BICD2: variants seen among roughly 807,000 people sequenced by gnomAD.
The protein encoded by BICD2 is BICD cargo adaptor 2.
A neutral mutation model predicts 72.9 loss-of-function variants in BICD2; 25 were observed. That is an observed-to-expected ratio of 0.34 (90% CI 0.25 to 0.48). The LOEUF (loss-of-function observed/expected upper bound fraction) is 0.48, where lower values mean the gene tolerates loss of function less well. Ranked by LOEUF, BICD2 falls within the 20% of genes least tolerant of loss-of-function variation. The pLI is 0.99. For synonymous variants in BICD2, 501 were observed against 516.1 expected (o/e 0.97, Z 0.40); for missense variants, 894 against 1,175.2 (o/e 0.76, Z 3.50).
chr9:92,757,555 C>T (rs1854285492), intron 1 of BICD2, among the ~76,000 whole-genome samples: 1 of 113,652 alleles, frequency 8.8e-6, no homozygotes, highest in Admixed American at 1.2e-4. Context: ...ATTAGCTGGG[C>T]ATGGTGGCAG....
At chr9:92,757,802 G>A (rs1854291762) in intron 1 of BICD2, among the ~76,000 whole-genome samples, 1 of 152,216 alleles carries the variant, frequency 6.6e-6, no homozygotes, top group Non-Finnish European at 1.5e-5. Flanking sequence ...AACAAGACCG[G>A]CCACAGCTGC....
rs767895612 is a variant in BICD2 at position 92,720,484 on chromosome 9, T to C, written c.878A>G (p.Asn293Ser). 36 of 1,614,110 alleles carry C rather than the reference T, an allele frequency of 2.2e-5. No homozygotes were observed. Among genetic ancestry groups the C allele is most frequent in the Non-Finnish European group, 3.0e-5 (35 of 1,180,046 alleles). The change falls in exon 4 of 7, where the codon AAC becomes AGC. Residue 293 changes from asparagine to serine, a missense_variant. Physicochemically the swap from Asn to Ser is conservative, Grantham distance 46. Transcript: ENST00000356884. The surrounding 1 kb of genome is among the most constrained non-coding windows in gnomAD (Gnocchi z 5.4). Reference sequence around the variant, plus strand: ...ATTGACCAGGGCCTCGGCATCGTTGTTGGGCTCGGCAGCATCGTCACTGAA... The same window carrying C: ...ATTGACCAGGGCCTCGGCATCGTTGCTGGGCTCGGCAGCATCGTCACTGAA... ...LKFSDDAAEPNNDAEALVNGF... is the reference protein window; with the variant it reads ...LKFSDDAAEPSNDAEALVNGF...
At chr9:92,721,725 G>A (rs1853468351) in intron 3 of BICD2, among the ~76,000 whole-genome samples, 1 of 152,286 alleles carries the variant, frequency 6.6e-6, no homozygotes, top group African/African-American at 2.4e-5. Context: ...TCCACTAAGC[G>A]CCAACCTGAG....
Position 92,712,546 on chromosome 9 carries a change from CA to C in BICD2, c.*2607del, listed in dbSNP as rs1389968526. On this transcript the variant is annotated 3_prime_UTR_variant, in exon 7 of 7. Coordinates refer to ENST00000356884, the MANE Select transcript of BICD2 (RefSeq NM_001003800.2). ...CAATTTGGCACAACAACCAGAGTAA[CA>C]AAACAATTCCAATTTGGAATTTTAT... The C allele has an allele frequency of 6.6e-6, 1 of 152,468 alleles. No homozygotes were observed. Among genetic ancestry groups the C allele is most frequent in the East Asian group, 1.9e-4 (1 of 5,200 alleles). 9.4% of individuals were successfully genotyped at this position (152,468 alleles called of 1,614,324 possible). A position where few individuals can be genotyped will look rare whatever the true frequency, so the allele number is the denominator to read the frequency against.
chr9:92,733,204 T>C (rs1428277665), intron 1 of BICD2, among the ~76,000 whole-genome samples: 3 of 152,308 alleles, frequency 2.0e-5, no homozygotes, highest in African/African-American at 7.2e-5. Flanking sequence ...ATATGGTCAA[T>C]TGATTTTTGG....
chr9:92,752,670 T>G (rs1375851936), intron 1 of BICD2, among the ~76,000 whole-genome samples: 1 of 152,082 alleles, frequency 6.6e-6, no homozygotes, highest in Non-Finnish European at 1.5e-5. Flanking sequence ...GGTGGAAAGA[T>G]CACTTGAGCC....
At position 92,720,396 on chromosome 9, in the gene BICD2, C is replaced by A. The variant is rs1469136994; in HGVS notation, c.966G>T (p.Lys322Asn). Residue 322 changes from lysine (K) to asparagine (N), a missense_variant, in exon 4 of 7, where the codon AAG becomes AAT. Lys to Asn is a moderately conservative substitution (Grantham distance 94). Around this residue, in one of 5 missense-constraint regions of BICD2, gnomAD observed 371 missense variants for 439.1 expected, o/e 0.84. Coordinates refer to ENST00000356884, the MANE Select transcript of BICD2 (RefSeq NM_001003800.2). This position sits in a 1 kb window ranked among gnomAD's most constrained non-coding sequence, Gnocchi z 5.4. ...PLDNKTSTPK[K>N]EGLAPPSPSL... is the part of the protein sequence containing the mutation. Reference sequence around the variant, plus strand: ...TGGGGGAGGGCGGTGCGAGGCCCTCCTTCTTGGGCGTGGAGGTCTTGTTGT... The same window carrying A: ...TGGGGGAGGGCGGTGCGAGGCCCTCATTCTTGGGCGTGGAGGTCTTGTTGT... 1.9e-6 allele frequency: 3 copies of A among 1,614,122 alleles called. No individual in the cohort carries two copies. In the South Asian group the frequency reaches 3.3e-5, roughly 18 times the overall value.
At chr9:92,741,300 C>T (rs776783996) in intron 1 of BICD2, among the ~76,000 whole-genome samples, 3 of 152,158 alleles carry the variant, frequency 2.0e-5, no homozygotes, top group Non-Finnish European at 2.9e-5. Context: ...AACCATTTAC[C>T]TTAAGAGTTA....
In BICD2 at chr9:92,718,917, C is replaced by T; in HGVS notation, c.1728G>A (p.Glu576=). ...GGATGGGTGAGCGCCGGCCACGCGCCTCGGGGCTGGTGCGGCCCCCGGGAC... is the reference window on the plus strand; with the variant it reads ...GGATGGGTGAGCGCCGGCCACGCGCTTCGGGGCTGGTGCGGCCCCCGGGAC... ...RTSPGGRTSP[E]ARGRRSPILL... is the part of the protein sequence containing the mutation. Residue 576 remains glutamate (E), a synonymous_variant, in exon 5 of 7, where the codon GAG becomes GAA. Coordinates refer to ENST00000356884, the MANE Select transcript of BICD2 (RefSeq NM_001003800.2). The T allele has an allele frequency of 6.2e-7, 1 of 1,606,590 alleles. No homozygotes were observed.
intron 1 of BICD2, among the ~76,000 whole-genome samples, chr9:92,748,790 C>T (rs1230497518): frequency 6.6e-6 from 1 of 152,126 alleles, no homozygotes; most frequent in Non-Finnish European, 1.5e-5. Flanking sequence ...CAGGAGCGGA[C>T]AGAGGTGGGT....
In BICD2 at chr9:92,764,820, G is replaced by T; in HGVS notation, c.-76C>A. ...CTCCTCAGCCGCCGCCGCTGCCGCC[G>T]CCGCCGCCGCCCTGCCCCGACGGCC... On this transcript the variant is annotated 5_prime_UTR_variant, in exon 1 of 7. Coordinates refer to ENST00000356884, the MANE Select transcript of BICD2 (RefSeq NM_001003800.2). This position sits in a 1 kb window ranked among gnomAD's most constrained non-coding sequence, Gnocchi z 5.5. The T allele has an allele frequency of 8.8e-7, 1 of 1,133,136 alleles. No homozygotes were observed. Among genetic ancestry groups the T allele is most frequent in the Non-Finnish European group, 1.1e-6 (1 of 923,280 alleles). The allele number at this position is 1,133,136 out of a possible 1,614,324, so 70.2% of individuals were successfully genotyped here. A position where few individuals can be genotyped will look rare whatever the true frequency, so the allele number is the denominator to read the frequency against.
rs1162860435 is a variant in BICD2, at chr9:92,721,013, C to T, written c.607-258G>A. Among the ~76,000 whole-genome samples, 3 of 152,206 alleles carry T rather than the reference C, an allele frequency of 2.0e-5. No homozygotes were observed. In the East Asian group the frequency reaches 5.8e-4, roughly 29 times the overall value. ...TGAAATGCTCAGCCCAGCCCACCCA[C>T]CGCTGGGACCAGCAGACACAGCAAG... On this transcript the variant is annotated intron_variant, in intron 3 of 6. Transcript: ENST00000356884.
At chr9:92,735,571 G>A (rs1312462962) in intron 1 of BICD2, among the ~76,000 whole-genome samples, 1 of 151,682 alleles carries the variant, frequency 6.6e-6, no homozygotes, top group African/African-American at 2.4e-5. Context: ...GAGAGGGCTT[G>A]GGGAGGAAGG....
chr9:92,753,137 C>T (rs534349105), intron 1 of BICD2, among the ~76,000 whole-genome samples: 1 of 152,274 alleles, frequency 6.6e-6, no homozygotes, highest in East Asian at 1.9e-4. Flanking sequence ...CAGACAAATT[C>T]CAAGTGAAAA....
chr9:92,734,844 G>A (rs565570690), intron 1 of BICD2, among the ~76,000 whole-genome samples: 1 of 152,290 alleles, frequency 6.6e-6, no homozygotes, highest in East Asian at 1.9e-4. Context: ...ATCCAGTCTG[G>A]GAAGGGGATC....
At chr9:92,733,959 T>G (rs1330461074) in intron 1 of BICD2, among the ~76,000 whole-genome samples, 1 of 150,564 alleles carries the variant, frequency 6.6e-6, no homozygotes, top group Non-Finnish European at 1.5e-5. Context: ...AGAGCAAGAC[T>G]CCGTCTTAAA....
chr9:92,740,185 T>C (rs1357157499), intron 1 of BICD2, among the ~76,000 whole-genome samples: 4 of 152,110 alleles, frequency 2.6e-5, no homozygotes, highest in African/African-American at 7.2e-5. Context: ...GAAGTCTCCA[T>C]ACCAGGACTC....
intron 1 of BICD2, among the ~76,000 whole-genome samples, chr9:92,738,272 C>T (rs986540719): frequency 1.3e-5 from 2 of 152,220 alleles, no homozygotes; most frequent in South Asian, 2.1e-4. Context: ...ACAATCAGCC[C>T]ATTTATGAGA....
chr9:92,756,429 T>G (rs1854258862), intron 1 of BICD2, among the ~76,000 whole-genome samples: 1 of 151,624 alleles, frequency 6.6e-6, no homozygotes. Flanking sequence ...GCCCGGCTAA[T>G]TTTTTGTATT....
Sources: allele counts gnomAD v4.1 joint callset (sites outside exome capture counted in the v4.1 genomes callset), GRCh38; gene constraint gnomAD v4.1.1; regional missense constraint gnomAD v4.1.1; non-coding constraint Gnocchi (gnomAD v3.1); transcripts MANE v1.5; gene names NCBI Gene and HGNC (gene_info 2026-07-23, HGNC 2026-07-21).